The following CGN variants were observed in gnomAD, a reference collection of about 807,000 sequenced individuals.
CGN encodes cingulin.
In CGN, 121 loss-of-function variants were observed where a neutral mutation model predicts 157.1. That is an observed-to-expected ratio of 0.77 (90% CI 0.66 to 0.90). CGN has a LOEUF of 0.90. Among genes scored for constraint, CGN ranks in the 40% least tolerant of loss-of-function variants. CGN has a pLI of 0.00. For synonymous variants in CGN, 535 were observed against 607.5 expected (o/e 0.88, Z 1.76); for missense variants, 1,424 against 1,520.9 (o/e 0.94, Z 1.06).
rs72997945 is a variant in CGN at position 151,520,932 on chromosome 1, C to T, written c.1140+241C>T. ...TCCACTCCCTTTGGGAGTTCCCATC[C>T]TGGCTCTGCCCCTTACTAGCTATAT... On this transcript the variant is annotated intron_variant, in intron 5 of 20. Coordinates refer to ENST00000271636, the MANE Select transcript of CGN (RefSeq NM_020770.3). Among the ~76,000 whole-genome samples the T allele has an allele frequency of 9.5e-4, 145 of 152,310 alleles. 1 individual carries two copies. The highest frequency in any genetic ancestry group is 3.4e-3 in the African/African-American group (140 of 41,568).
intron 19 of CGN, 104 bp downstream of exon 19, chr1:151,536,449 T>G (rs1453917965): frequency 4.3e-6 from 3 of 694,048 alleles, no homozygotes; most frequent in South Asian, 1.7e-5. Flanking sequence ...TCCTCCAAAC[T>G]TAGACTTTCC....
intron 14 of CGN, 126 bp from the exon 15 acceptor site, chr1:151,533,849 A>T: frequency 1.2e-6 from 1 of 826,600 alleles, no homozygotes; most frequent in South Asian, 2.1e-5. Context: ...TATTGTCATC[A>T]TGCCACTGGT....
intron 5 of CGN, 88 bp downstream of exon 5, chr1:151,520,779 C>A: frequency 1.0e-6 from 1 of 986,300 alleles, no homozygotes; most frequent in Non-Finnish European, 1.6e-6. Flanking sequence ...CCCTTCTAAG[C>A]AATGGAACAA....
intron 14 of CGN, among the ~76,000 whole-genome samples, chr1:151,533,141 A>T (rs1169400857): frequency 2.0e-5 from 3 of 152,192 alleles, no homozygotes; most frequent in African/African-American, 2.4e-5. Context: ...ATCAGAATTT[A>T]AAAAAACTCC....
chr1:151,532,612 C>CTTT (rs34388063), intron 14 of CGN, 40 bp downstream of exon 14: 1,564 of 536,310 alleles, frequency 2.9e-3, no homozygotes, highest in South Asian at 4.9e-3. Context: ...GTCCTTGCCT[C>CTTT]TTTTTTTTTT....
chr1:151,515,558 C>T (rs1664389594), intron 1 of CGN: 1 of 152,210 alleles, frequency 6.6e-6, no homozygotes. Context: ...ACTGCAGCTT[C>T]AACCTCCTGG....
chr1:151,524,993 C>T lies in CGN; in HGVS notation c.1614+107C>T. 2.3e-6 allele frequency: 2 copies of T among 854,514 alleles called. No homozygotes were observed. Among genetic ancestry groups the T allele is most frequent in the East Asian group, 2.6e-5 (1 of 37,944 alleles). The allele number at this position is 854,514 out of a possible 1,614,324, so 52.9% of individuals were successfully genotyped here. On this transcript the variant is annotated intron_variant, in intron 8 of 20. Coordinates refer to ENST00000271636, the MANE Select transcript of CGN (RefSeq NM_020770.3). The surrounding 1 kb of genome is among the most constrained non-coding windows in gnomAD (Gnocchi z 4.4). ...TTCATGGTTGCAACTGGGAACTCCC[C>T]CTCTCCTCCTAAAGGACACAGTGAG...
At chr1:151,513,296 G>A in intron 1 of CGN, among the ~76,000 whole-genome samples, 1 of 152,114 alleles carries the variant, frequency 6.6e-6, no homozygotes, top group East Asian at 1.9e-4. Context: ...CAGTTTGCAG[G>A]GGCCCAGTTC....
chr1:151,511,452 G>GAGCCCA lies in CGN; in HGVS notation c.-73_-72insAAGCCC. 1 of 183,412 alleles carries GAGCCCA rather than the reference G, an allele frequency of 5.5e-6. No homozygotes were observed. The highest frequency in any genetic ancestry group is 8.8e-5 in the South Asian group (1 of 11,402). The allele number at this position is 183,412 out of a possible 1,614,324, so 11.4% of individuals were successfully genotyped here. ...TGCTGCTTTGCCCGAGCCCGAGCCC[G>GAGCCCA]AGCCCGAGCCCGAGCCCGAGCCCGA... is the stretch of plus-strand genomic sequence containing the variant. On this transcript the variant is annotated 5_prime_UTR_variant, in exon 1 of 21. Transcript: ENST00000271636. This position sits in a 1 kb window ranked among gnomAD's most constrained non-coding sequence, Gnocchi z 4.8.
chr1:151,511,262 A>T (rs1664277889), upstream of CGN: 1 of 152,336 alleles, frequency 6.6e-6, no homozygotes, highest in African/African-American at 2.4e-5. This position sits in a 1 kb window ranked among gnomAD's most constrained non-coding sequence, Gnocchi z 4.8. Flanking sequence ...CGGTCCCCGC[A>T]CCGGAGGCCC....
chr1:151,526,711 T>C (rs1664689298), intron 9 of CGN, among the ~76,000 whole-genome samples: 1 of 152,174 alleles, frequency 6.6e-6, no homozygotes, highest in Admixed American at 6.5e-5. Context: ...TGGGCTCAAG[T>C]GATCCATCTG....
In CGN at chr1:151,523,435, A is replaced by G. The variant is rs1376344042; in HGVS notation, c.1142A>G (p.Lys381Arg). Reference protein sequence around the residue: ...LQRKLDEEVKKRQKLEPSQVG... With the variant: ...LQRKLDEEVKRRQKLEPSQVG... ...CTGTACTCTCATTCCCTTTTACAGA[A>G]GCGGCAGAAGCTAGAGCCATCCCAA... Residue 381 changes from lysine (K) to arginine (R), a missense_variant and splice_region_variant, in exon 6 of 21, where the codon AAG (lysine) becomes AGG (arginine). By Grantham distance (26) the Lys-to-Arg change is conservative. Transcript: ENST00000271636. The G allele has an allele frequency of 6.2e-7, 1 of 1,608,450 alleles. No homozygotes were observed. Among genetic ancestry groups the G allele is most frequent in the Non-Finnish European group, 8.5e-7 (1 of 1,177,842 alleles).
intron 13 of CGN, 81 bp downstream of exon 13, chr1:151,530,827 G>C (rs1229966830): frequency 6.9e-7 from 1 of 1,447,362 alleles, no homozygotes; most frequent in African/African-American, 1.4e-5. Flanking sequence ...GGGCTTGGGG[G>C]AGAGGGGTTA....
intron 19 of CGN, 117 bp downstream of exon 19, chr1:151,536,462 G>A: frequency 1.5e-6 from 1 of 668,334 alleles, no homozygotes; most frequent in South Asian, 1.8e-5. Context: ...GACTTTCCTT[G>A]TATAAGGACA....
In CGN at chr1:151,512,934, CT is replaced by C. The variant is rs546440697; in HGVS notation, c.-15+1422del. Among the ~76,000 whole-genome samples, 30 of 152,282 alleles carry C rather than the reference CT, an allele frequency of 2.0e-4. No individual in the cohort carries two copies. The South Asian group carries it at 6.2e-3, about 32-fold the overall frequency. On this transcript the variant is annotated intron_variant, in intron 1 of 20. Transcript: ENST00000271636. ...GGTGATGGGGGTGTAGGGCTCTTCT[CT>C]TTGTGCCAGGGAGGGGCGGACTGAG...
At chr1:151,536,122 C>T in intron 18 of CGN, 115 bp from the exon 19 acceptor site, 1 of 772,876 alleles carries the variant, frequency 1.3e-6, no homozygotes, top group Non-Finnish European at 2.3e-6. Flanking sequence ...CTGGATCCTG[C>T]CCAGTCTAAT....
chr1:151,530,875 T>C (rs1161869166), intron 13 of CGN, 129 bp downstream of exon 13: 2 of 950,426 alleles, frequency 2.1e-6, no homozygotes, highest in African/African-American at 1.7e-5. Context: ...GTGCGGTGAC[T>C]CACTCCTGTA....
chr1:151,535,835 C>T lies in CGN; in HGVS notation c.3134C>T (p.Ala1045Val). ...ASSEGFQKPS[A>V]SLSQLESQNQ... is the part of the protein sequence containing the mutation. ...TCAGAAGGCTTCCAGAAGCCTAGTG[C>T]CAGCCTCTCTCAGCTTGAGTCCCAG... Residue 1045 changes from alanine (A) to valine (V), a missense_variant, in exon 18 of 21, where the codon GCC becomes GTC. By Grantham distance (64) the Ala-to-Val change is moderately conservative. Transcript: ENST00000271636. 2 of 1,614,166 alleles carry T rather than the reference C, an allele frequency of 1.2e-6. No individual in the cohort carries two copies. Among genetic ancestry groups the T allele is most frequent in the South Asian group, 2.2e-5 (2 of 91,074 alleles).
At chr1:151,521,856 C>T (rs1664548710) in intron 5 of CGN, among the ~76,000 whole-genome samples, 1 of 151,700 alleles carries the variant, frequency 6.6e-6, no homozygotes, top group Non-Finnish European at 1.5e-5. Context: ...AAGCATTTCC[C>T]AGAGTCTGAG....
Sources: gnomAD v4.1 joint callset for allele counts (sites outside exome capture counted in the v4.1 genomes callset) on GRCh38, gnomAD v4.1.1 for gene constraint, Gnocchi (gnomAD v3.1) non-coding constraint, MANE v1.5 for transcripts, NCBI Gene and HGNC (gene_info 2026-07-23, HGNC 2026-07-21) for gene names.